FBXL13: variants seen among roughly 807,000 people sequenced by gnomAD.
FBXL13 encodes the protein F-box and leucine-rich repeat protein 13.
A neutral mutation model predicts 83.6 loss-of-function variants in FBXL13; 67 were observed. That is an observed-to-expected ratio of 0.80 (90% CI 0.66 to 0.98). The LOEUF is 0.98. Ranked by LOEUF, FBXL13 falls within the 50% of genes least tolerant of loss-of-function variation. The pLI is 0.00. For synonymous variants in FBXL13, 272 were observed against 299.5 expected (o/e 0.91, Z 0.95); for missense variants, 822 against 866.5 (o/e 0.95, Z 0.64).
intron 11 of FBXL13, among the ~76,000 whole-genome samples, chr7:102,904,780 C>T (rs748951129): frequency 5.9e-5 from 9 of 152,000 alleles, no homozygotes; most frequent in Non-Finnish European, 1.3e-4. Context: ...ATTGCTTTTG[C>T]TGTATCCCAT....
At chr7:102,960,115 T>A (rs1824941994) in intron 8 of FBXL13, among the ~76,000 whole-genome samples, 1 of 152,090 alleles carries the variant, frequency 6.6e-6, no homozygotes, top group Admixed American at 6.6e-5. Flanking sequence ...AAAATAAGAA[T>A]ATGTTTTATA....
At chr7:102,851,844 C>T (rs77529799) in intron 17 of FBXL13, among the ~76,000 whole-genome samples, 55 of 152,222 alleles carry the variant, frequency 3.6e-4, no homozygotes, top group African/African-American at 1.3e-3. Context: ...CTACACATCA[C>T]TTAAGATTAG....
At chr7:102,865,148 A>G (rs1023732288) in intron 16 of FBXL13, among the ~76,000 whole-genome samples, 1 of 152,250 alleles carries the variant, frequency 6.6e-6, no homozygotes, top group Non-Finnish European at 1.5e-5. Context: ...CTATAAAATT[A>G]TCTATTTATA....
intron 8 of FBXL13, among the ~76,000 whole-genome samples, chr7:102,947,248 C>A (rs572702702): frequency 4.3e-4 from 65 of 152,142 alleles, no homozygotes; most frequent in Non-Finnish European, 6.3e-4. Context: ...ACAACAGAAT[C>A]ACACTGGAGG....
intron 17 of FBXL13, among the ~76,000 whole-genome samples, chr7:102,843,300 G>C (rs1303507551): frequency 6.6e-6 from 1 of 151,754 alleles, no homozygotes; most frequent in Admixed American, 6.6e-5. Context: ...AAAATTACCT[G>C]GGCGTGGTGG....
At chr7:102,935,164 C>T (rs761021978) in intron 8 of FBXL13, among the ~76,000 whole-genome samples, 8 of 151,390 alleles carry the variant, frequency 5.3e-5, no homozygotes, top group Non-Finnish European at 1.0e-4. Context: ...AAAGTGATGG[C>T]CCTTCGGTAT....
chr7:102,919,138 T>TA (rs1368341761), intron 10 of FBXL13, among the ~76,000 whole-genome samples: 1 of 152,210 alleles, frequency 6.6e-6, no homozygotes, highest in Non-Finnish European at 1.5e-5. Context: ...GTTGATAGCT[T>TA]AAAATCGGCC....
chr7:102,984,709 G>A (rs1828735348), intron 6 of FBXL13, among the ~76,000 whole-genome samples: 1 of 152,124 alleles, frequency 6.6e-6, no homozygotes, highest in Non-Finnish European at 1.5e-5. Flanking sequence ...TATTTGTTGT[G>A]CACTTCTGTG....
At chr7:102,849,197 CA>C (rs1464991512) in intron 17 of FBXL13, among the ~76,000 whole-genome samples, 1 of 152,210 alleles carries the variant, frequency 6.6e-6, no homozygotes, top group African/African-American at 2.4e-5. Context: ...TGCTCAGTTA[CA>C]GCTGCATCAA....
intron 6 of FBXL13, among the ~76,000 whole-genome samples, chr7:102,970,491 G>C (rs553146529): frequency 5.3e-5 from 8 of 152,286 alleles, no homozygotes; most frequent in African/African-American, 1.7e-4. Context: ...TGTGCAAAGA[G>C]GTTCCACTGG....
intron 16 of FBXL13, among the ~76,000 whole-genome samples, chr7:102,870,175 A>G (rs1485652301): frequency 6.6e-6 from 1 of 152,236 alleles, no homozygotes; most frequent in African/African-American, 2.4e-5. Flanking sequence ...TCAGTAATTT[A>G]AGACCCATTA....
intron 19 of FBXL13, among the ~76,000 whole-genome samples, chr7:102,819,154 T>C (rs926595273): frequency 6.6e-6 from 1 of 152,314 alleles, no homozygotes; most frequent in African/African-American, 2.4e-5. Flanking sequence ...GGGGCCATTG[T>C]GAGGGTCTTT....
At chr7:102,964,317 A>AAAAT (rs1563159692) in intron 7 of FBXL13, among the ~76,000 whole-genome samples, 1 of 151,402 alleles carries the variant, frequency 6.6e-6, no homozygotes, top group East Asian at 1.9e-4. Flanking sequence ...ACTCAAAAAA[A>AAAAT]AAATAAATAA....
At chr7:102,875,482 C>T (rs909454460) in intron 16 of FBXL13, among the ~76,000 whole-genome samples, 4 of 151,996 alleles carry the variant, frequency 2.6e-5, no homozygotes, top group African/African-American at 9.7e-5. Context: ...ACTTTCTATC[C>T]AGCTAGAGAG....
intron 6 of FBXL13, among the ~76,000 whole-genome samples, chr7:102,996,109 C>A (rs1012048027): frequency 1.3e-5 from 2 of 152,106 alleles, no homozygotes; most frequent in African/African-American, 4.8e-5. Flanking sequence ...GGATTTAAAC[C>A]CAGTTCTCCC....
At chr7:102,960,785 C>T (rs2129478688) in intron 8 of FBXL13, among the ~76,000 whole-genome samples, 1 of 151,774 alleles carries the variant, frequency 6.6e-6, no homozygotes, top group South Asian at 2.1e-4. Flanking sequence ...AATTCAACAA[C>T]CTTTCATGCT....
chr7:102,829,852 A>G (rs1053226257), intron 18 of FBXL13, among the ~76,000 whole-genome samples: 3 of 152,146 alleles, frequency 2.0e-5, no homozygotes, highest in East Asian at 1.9e-4. Flanking sequence ...CAAAATCAAC[A>G]TAAGTGGAAT....
intron 6 of FBXL13, among the ~76,000 whole-genome samples, chr7:103,001,779 G>A (rs986708153): frequency 6.6e-6 from 1 of 152,180 alleles, no homozygotes; most frequent in Non-Finnish European, 1.5e-5. Flanking sequence ...GTGGCTTCCT[G>A]GGGGCTCTTG....
chr7:102,859,724 T>C (rs1195100071), intron 16 of FBXL13, among the ~76,000 whole-genome samples: 2 of 152,190 alleles, frequency 1.3e-5, no homozygotes, highest in Non-Finnish European at 2.9e-5. Flanking sequence ...GTGGCATCAC[T>C]GCAATGGAAA....
Sources: allele counts gnomAD v4.1 joint callset (sites outside exome capture counted in the v4.1 genomes callset), GRCh38; gene constraint gnomAD v4.1.1; transcripts MANE v1.5; gene names NCBI Gene and HGNC (gene_info 2026-07-23, HGNC 2026-07-21).